KCNMB2: variants seen among roughly 807,000 people sequenced by gnomAD.
The protein encoded by KCNMB2 is potassium calcium-activated channel subfamily M regulatory beta subunit 2.
Under a neutral mutation model 24.5 loss-of-function variants are expected in KCNMB2, and 9 were observed. The observed-to-expected ratio is 0.37, with a 90% CI of 0.22 to 0.64. The LOEUF (loss-of-function observed/expected upper bound fraction) is 0.64, where lower values mean the gene tolerates loss of function less well. Among genes scored for constraint, KCNMB2 ranks in the 30% least tolerant of loss-of-function variants. KCNMB2 has a pLI of 0.63. For synonymous variants in KCNMB2, 109 were observed against 104.4 expected, an observed-to-expected ratio of 1.04 and a Z score of -0.27; for missense variants, 226 against 284.3, an observed-to-expected ratio of 0.79 and a Z score of 1.47.
chr3:178,618,492 G>C (rs991362375), intron 1 of KCNMB2, among the ~76,000 whole-genome samples: 1 of 152,130 alleles, frequency 6.6e-6, no homozygotes, highest in African/African-American at 2.4e-5. Flanking sequence ...CTTCGTTCTT[G>C]CATTCAGGGG....
chr3:178,760,512 G>A (rs1042844805), intron 1 of KCNMB2, among the ~76,000 whole-genome samples: 2 of 86,874 alleles, frequency 2.3e-5, no homozygotes, highest in African/African-American at 7.7e-5. Flanking sequence ...AGTTTCGTGT[G>A]TGTGTGTGTG....
chr3:178,838,569 G>GC (rs753018931), intron 4 of KCNMB2, among the ~76,000 whole-genome samples: 4 of 76,338 alleles, frequency 5.2e-5, no homozygotes, highest in Admixed American at 1.2e-4. Context: ...CTACAGCTCA[G>GC]CAAAAAAAAA....
intron 1 of KCNMB2, among the ~76,000 whole-genome samples, chr3:178,590,751 A>C (rs759381619): frequency 6.6e-6 from 1 of 152,196 alleles, no homozygotes; most frequent in Non-Finnish European, 1.5e-5. Context: ...TCAAACTAAG[A>C]GTACATCATG....
intron 2 of KCNMB2, among the ~76,000 whole-genome samples, chr3:178,822,124 C>T (rs1200132972): frequency 2.0e-5 from 3 of 152,216 alleles, no homozygotes; most frequent in African/African-American, 4.8e-5. Context: ...GCAAACTCAT[C>T]TGCCTCTTTT....
At chr3:178,572,182 G>A (rs371816853) in intron 1 of KCNMB2, among the ~76,000 whole-genome samples, 33 of 152,310 alleles carry the variant, frequency 2.2e-4, no homozygotes, top group African/African-American at 6.0e-4. Context: ...TGGTCAATGC[G>A]CATTTTTTGT....
intron 1 of KCNMB2, among the ~76,000 whole-genome samples, chr3:178,662,571 G>A (rs77492826): frequency 0.032 from 4,837 of 152,160 alleles, 203 homozygotes; most frequent in East Asian, 0.18. Flanking sequence ...ATGGTGCAAA[G>A]AGCCCAGGCT....
rs1026467108 is a variant in KCNMB2 at position 178,606,719 on chromosome 3, C to T, written c.-68+70008C>T. Among the ~76,000 whole-genome samples the T allele has an allele frequency of 2.4e-4, 37 of 152,030 alleles. 1 individual carries two copies. The highest frequency in any genetic ancestry group is 8.9e-4 in the African/African-American group (37 of 41,480). ...ATAATATAGATTGAATGTTTGCATC[C>T]CCCCCACCAAATTCATAAGTTAAAA... On this transcript the variant is annotated intron_variant, in intron 1 of 4. Coordinates refer to ENST00000452583, the MANE Select transcript of KCNMB2 (RefSeq NM_181361.3).
At chr3:178,750,765 C>T (rs934818577) in intron 1 of KCNMB2, among the ~76,000 whole-genome samples, 1 of 152,136 alleles carries the variant, frequency 6.6e-6, no homozygotes, top group Non-Finnish European at 1.5e-5. Context: ...TTGGCAGAGC[C>T]TCATTAGGTA....
At chr3:178,757,937 A>AAGAGGATATATATATATATC (rs1279418632) in intron 1 of KCNMB2, among the ~76,000 whole-genome samples, 3 of 106,730 alleles carry the variant, frequency 2.8e-5, no homozygotes, top group African/African-American at 1.2e-4. Context: ...ATATATATAC[A>AAGAGGATATATATATATATC]CAAGGGGATA....
intron 1 of KCNMB2, among the ~76,000 whole-genome samples, chr3:178,756,275 T>C (rs1033131811): frequency 2.0e-5 from 3 of 151,798 alleles, no homozygotes; most frequent in African/African-American, 7.3e-5. Flanking sequence ...TGTGTTTGTG[T>C]GAATAGAGAA....
At chr3:178,772,562 C>T (rs992470286) in intron 1 of KCNMB2, among the ~76,000 whole-genome samples, 1 of 152,174 alleles carries the variant, frequency 6.6e-6, no homozygotes, top group Non-Finnish European at 1.5e-5. Context: ...TTCCCAGCCA[C>T]GTAGAACTGT....
chr3:178,585,110 C>T (rs1717379624), intron 1 of KCNMB2, among the ~76,000 whole-genome samples: 1 of 152,230 alleles, frequency 6.6e-6, no homozygotes, highest in Admixed American at 6.5e-5. Context: ...ACTCTCTGGA[C>T]AGAATCCTCT....
At chr3:178,795,374 A>G (rs1244849784) in intron 1 of KCNMB2, among the ~76,000 whole-genome samples, 1 of 152,192 alleles carries the variant, frequency 6.6e-6, no homozygotes, top group East Asian at 1.9e-4. Context: ...AAGCAAGAAA[A>G]TGGTCCCCAA....
intron 1 of KCNMB2, among the ~76,000 whole-genome samples, chr3:178,625,983 G>A (rs1577057997): frequency 1.3e-5 from 2 of 152,262 alleles, no homozygotes; most frequent in South Asian, 2.1e-4. Flanking sequence ...AGGCCTAAAG[G>A]ACACAGAGTA....
At position 178,825,695 on chromosome 3, in the gene KCNMB2, T is replaced by C. The variant is rs745917817; in HGVS notation, c.164T>C (p.Met55Thr). The C allele has an allele frequency of 3.1e-6, 5 of 1,613,962 alleles. No homozygotes were observed. The highest frequency in any genetic ancestry group is 1.1e-5 in the South Asian group (1 of 91,078). ...DRAILLGLAM[M>T]VCSIMMYFLL... is the part of the protein sequence containing the mutation. ...GCTATTCTCCTGGGACTGGCTATGA[T>C]GGTGTGCTCCATCATGATGTATTTT... is the stretch of plus-strand genomic sequence containing the variant. The change falls in exon 3 of 5, where the codon ATG becomes ACG. Residue 55 changes from methionine to threonine, a missense_variant. Coordinates refer to ENST00000452583, the MANE Select transcript of KCNMB2 (RefSeq NM_181361.3).
chr3:178,698,697 T>A (rs773044749), intron 1 of KCNMB2, among the ~76,000 whole-genome samples: 28 of 152,198 alleles, frequency 1.8e-4, no homozygotes, highest in Non-Finnish European at 1.3e-4. Context: ...GCACTCTGCA[T>A]TTTTTAGTTT....
chr3:178,587,601 G>GT (rs764417885), intron 1 of KCNMB2, among the ~76,000 whole-genome samples: 45,327 of 132,756 alleles, frequency 0.34, 8,336 homozygotes, highest in African/African-American at 0.46. Flanking sequence ...TTTTTTGGGT[G>GT]GTTTTTTTTT....
intron 1 of KCNMB2, among the ~76,000 whole-genome samples, chr3:178,554,645 T>C (rs1213785136): frequency 1.3e-5 from 2 of 152,180 alleles, no homozygotes; most frequent in Non-Finnish European, 2.9e-5. Flanking sequence ...AAAGCACTTA[T>C]GCTTTTCCTT....
intron 1 of KCNMB2, among the ~76,000 whole-genome samples, chr3:178,763,698 T>C (rs1342708344): frequency 6.6e-6 from 1 of 152,172 alleles, no homozygotes; most frequent in Non-Finnish European, 1.5e-5. Flanking sequence ...ATTTAGATCA[T>C]GTCTTTTGAT....
Sources: gnomAD v4.1 joint callset for allele counts (sites outside exome capture counted in the v4.1 genomes callset) on GRCh38, gnomAD v4.1.1 for gene constraint, MANE v1.5 for transcripts, NCBI Gene and HGNC (gene_info 2026-07-23, HGNC 2026-07-21) for gene names.